The following CLASP1 variants were observed in gnomAD, a reference collection of about 807,000 sequenced individuals.
CLASP1 encodes CLIP-associating protein 1.
In CLASP1, 38 loss-of-function variants were observed where a neutral mutation model predicts 192.3. That is an observed-to-expected ratio of 0.20 (90% CI 0.15 to 0.26). The LOEUF (loss-of-function observed/expected upper bound fraction) is 0.26, where lower values mean the gene tolerates loss of function less well. Among genes scored for constraint, CLASP1 ranks in the 10% least tolerant of loss-of-function variants. CLASP1 has a pLI of 1.00. For missense variants in CLASP1, 1,433 were observed against 1,932.5 expected (o/e 0.74, Z 4.85); for synonymous variants, 691 against 712.8 (o/e 0.97, Z 0.49).
chr2:121,461,207 T>C lies in CLASP1; in HGVS notation c.940-14A>G. 1 of 1,413,808 alleles carries C rather than the reference T, an allele frequency of 7.1e-7. No individual in the cohort carries two copies. The highest frequency in any genetic ancestry group is 1.4e-5 in the African/African-American group (1 of 70,032). 87.6% of individuals were successfully genotyped at this position (1,413,808 alleles called of 1,614,324 possible). The stretch of plus-strand genomic sequence containing the variant: ...GCTGGAATAAATCTGTAAGCAAAAT[T>C]AATTTACAATCAATATAAAAACATG... On this transcript the variant is annotated splice_polypyrimidine_tract_variant and intron_variant, in intron 10 of 39. Coordinates refer to ENST00000263710, the Ensembl canonical transcript of CLASP1.
At chr2:121,535,989 T>C (rs1575774570) in intron 2 of CLASP1, among the ~76,000 whole-genome samples, 1 of 151,286 alleles carries the variant, frequency 6.6e-6, no homozygotes, top group East Asian at 2.0e-4. Context: ...AAAAAATAAA[T>C]ACTGTTGGTA....
rs533342504 is a variant in CLASP1, at chr2:121,620,078, C to T, written c.-285-13898G>A. On this transcript the variant is annotated intron_variant, in intron 1 of 39. Coordinates refer to ENST00000263710, the Ensembl canonical transcript of CLASP1. ...CTCTACTAAAAATATGAAAAGTAGC[C>T]GGGAGTGGTGGCGCATGCCTGTAAT... Among the ~76,000 whole-genome samples, 128 of 151,794 alleles carry T rather than the reference C, an allele frequency of 8.4e-4. 4 individuals carry two copies. In the South Asian group the frequency reaches 0.016, roughly 19 times the overall value.
intron 2 of CLASP1, among the ~76,000 whole-genome samples, chr2:121,565,053 G>C (rs1278354526): frequency 6.6e-6 from 1 of 152,190 alleles, no homozygotes; most frequent in Non-Finnish European, 1.5e-5. Context: ...CCTGCACAGA[G>C]GCTCAATTCT....
rs539962826 is a variant in CLASP1 at position 121,388,614 on chromosome 2, G to A, written c.3124-708C>T. On this transcript the variant is annotated intron_variant, in intron 30 of 39. Transcript: ENST00000263710. ...GGAACAAGAGTGGTCAATGAGGCTC[G>A]GGCTTCTAGTAAGTGATGTGCTTTC... is the stretch of plus-strand genomic sequence containing the variant. 6.0e-4 allele frequency among the ~76,000 whole-genome samples: 92 copies of A among 152,274 alleles called. 1 individual carries two copies. Among genetic ancestry groups the A allele is most frequent in the East Asian group, 2.9e-3 (15 of 5,188 alleles).
chr2:121,420,159 C>T (rs773986126), intron 22 of CLASP1, among the ~76,000 whole-genome samples: 5 of 150,600 alleles, frequency 3.3e-5, no homozygotes, highest in Non-Finnish European at 7.4e-5. Flanking sequence ...AGCACAGGAA[C>T]GTAATCTCAA....
intron 14 of CLASP1, among the ~76,000 whole-genome samples, chr2:121,454,761 T>C (rs2086266083): frequency 6.6e-6 from 1 of 152,216 alleles, no homozygotes; most frequent in Non-Finnish European, 1.5e-5. Flanking sequence ...AAGATCCGTG[T>C]CATCTTATCG....
intron 1 of CLASP1, among the ~76,000 whole-genome samples, chr2:121,619,001 G>A (rs952816869): frequency 2.0e-5 from 3 of 152,136 alleles, no homozygotes; most frequent in African/African-American, 4.8e-5. Flanking sequence ...ATTAAAAGCT[G>A]GAATTACTCA....
chr2:121,446,071 T>C (rs1292392881), intron 19 of CLASP1, among the ~76,000 whole-genome samples: 1 of 152,194 alleles, frequency 6.6e-6, no homozygotes, highest in Non-Finnish European at 1.5e-5. Flanking sequence ...GCTGCAATAG[T>C]TAAAAACGAT....
chr2:121,413,780 G>C (rs2078116066), intron 23 of CLASP1, among the ~76,000 whole-genome samples: 1 of 152,170 alleles, frequency 6.6e-6, no homozygotes, highest in African/African-American at 2.4e-5. Context: ...TAAAGACTTT[G>C]GAAGGGAAAG....
At chr2:121,355,056 T>G (rs191275733) in intron 37 of CLASP1, among the ~76,000 whole-genome samples, 2 of 152,214 alleles carry the variant, frequency 1.3e-5, no homozygotes, top group African/African-American at 4.8e-5. Context: ...TCAGATCTGC[T>G]GAGCTGAAAC....
chr2:121,365,021 A>G, intron 36 of CLASP1, 73 bp downstream of exon 37: 1 of 1,359,546 alleles, frequency 7.4e-7, no homozygotes, highest in Non-Finnish European at 1.0e-6. Context: ...GCTGAAGCTA[A>G]GCCCAATAAG....
chr2:121,580,789 C>T (rs762105161), intron 2 of CLASP1, among the ~76,000 whole-genome samples: 8 of 152,086 alleles, frequency 5.3e-5, no homozygotes, highest in African/African-American at 1.4e-4. Context: ...GGACACACAA[C>T]GCATGCACAG....
At chr2:121,580,834 T>C (rs1476016453) in intron 2 of CLASP1, among the ~76,000 whole-genome samples, 2 of 152,218 alleles carry the variant, frequency 1.3e-5, no homozygotes, top group Non-Finnish European at 2.9e-5. Context: ...GACTTGGATA[T>C]TTTCAAGCCA....
intron 1 of CLASP1, among the ~76,000 whole-genome samples, chr2:121,621,839 T>C (rs2067409518): frequency 6.6e-6 from 1 of 152,098 alleles, no homozygotes; most frequent in Non-Finnish European, 1.5e-5. Flanking sequence ...GCAACTGGGT[T>C]TTTTTGTTGT....
intron 1 of CLASP1, among the ~76,000 whole-genome samples, chr2:121,611,041 G>A (rs1444739822): frequency 2.1e-5 from 3 of 143,364 alleles, no homozygotes; most frequent in African/African-American, 2.6e-5. Context: ...GGAGGAGGAC[G>A]AGTTGGAGGA....
At chr2:121,345,771 T>A (rs1484898115) in intron 39 of CLASP1, among the ~76,000 whole-genome samples, 1 of 152,174 alleles carries the variant, frequency 6.6e-6, no homozygotes, top group Non-Finnish European at 1.5e-5. Flanking sequence ...GAGGACAGTG[T>A]CTCCTCTGGA....
chr2:121,402,722 G>A (rs1044546026), intron 26 of CLASP1: 4 of 500,484 alleles, frequency 8.0e-6, no homozygotes, highest in South Asian at 2.9e-5. Context: ...TAGTGTTCAC[G>A]TTATAAATCT....
At chr2:121,641,287 C>A (rs1430969489) in intron 1 of CLASP1, among the ~76,000 whole-genome samples, 1 of 151,482 alleles carries the variant, frequency 6.6e-6, no homozygotes, top group Non-Finnish European at 1.5e-5. Flanking sequence ...TCCCCAGAGG[C>A]TGCTCTCAAA....
intron 9 of CLASP1, among the ~76,000 whole-genome samples, chr2:121,463,455 C>T (rs1284084302): frequency 1.3e-5 from 2 of 152,144 alleles, no homozygotes; most frequent in Non-Finnish European, 2.9e-5. Flanking sequence ...CTGAAGATCA[C>T]TCACACTGTG....
Sources: gnomAD v4.1 joint callset for allele counts (sites outside exome capture counted in the v4.1 genomes callset) on GRCh38, gnomAD v4.1.1 for gene constraint, MANE v1.5 for transcripts, NCBI Gene and HGNC (gene_info 2026-07-23, HGNC 2026-07-21) for gene names.